PELI2: variants seen among roughly 807,000 people sequenced by gnomAD.
PELI2 encodes E3 ubiquitin-protein ligase pellino homolog 2.
PELI2 carries 23 observed loss-of-function variants against 42.3 expected under a neutral mutation model. That is an observed-to-expected ratio of 0.54 (90% confidence interval 0.39 to 0.77). The LOEUF is 0.77. PELI2 is among the 30% of genes least tolerant of loss of function. The pLI is 0.00. For synonymous variants in PELI2, 245 were observed against 212.2 expected (o/e 1.15, Z -1.34); for missense variants, 463 against 553.2 (o/e 0.84, Z 1.64).
chr14:56,245,199 T>A (rs1422053581), intron 2 of PELI2, among the ~76,000 whole-genome samples: 1 of 152,224 alleles, frequency 6.6e-6, no homozygotes, highest in East Asian at 1.9e-4. Flanking sequence ...TGGAAATATC[T>A]GTACTCCTTA....
intron 2 of PELI2, among the ~76,000 whole-genome samples, chr14:56,222,014 A>C (rs930807341): frequency 2.6e-5 from 4 of 152,132 alleles, no homozygotes; most frequent in Admixed American, 2.6e-4. Flanking sequence ...ATTTTGTGTT[A>C]AGGTAGATTT....
At chr14:56,173,111 A>T (rs976190672) in intron 1 of PELI2, among the ~76,000 whole-genome samples, 5 of 152,042 alleles carry the variant, frequency 3.3e-5, no homozygotes, top group Non-Finnish European at 7.4e-5. Context: ...TCCAGACCTA[A>T]CTTCAGTTGC....
chr14:56,207,734 T>C (rs1038267392), intron 2 of PELI2, among the ~76,000 whole-genome samples: 2 of 152,106 alleles, frequency 1.3e-5, no homozygotes, highest in African/African-American at 2.4e-5. Context: ...CCAAAAGGGA[T>C]AGAAACTGTA....
intron 2 of PELI2, among the ~76,000 whole-genome samples, chr14:56,187,332 G>A (rs147203651): frequency 1.3e-5 from 2 of 152,310 alleles, no homozygotes; most frequent in Non-Finnish European, 2.9e-5. Flanking sequence ...AGACCTACAA[G>A]GGACAAGTTT....
rs571022597 is a variant in PELI2, at chr14:56,268,480, C to G, written c.208-11196C>G. On this transcript the variant is annotated intron_variant, in intron 2 of 5. Transcript: ENST00000267460. ...ACAGGAGACTACGGTTAGATTTTCT[C>G]TCTCTCTTAGTCTTAATATGTACAG... 5.3e-5 allele frequency among the ~76,000 whole-genome samples: 8 copies of G among 152,248 alleles called. No homozygotes were observed. In the East Asian group the frequency reaches 1.5e-3, roughly 29 times the overall value.
Position 56,197,978 on chromosome 14 carries a change from A to ACC in PELI2, c.207+19515_207+19516insCC, listed in dbSNP as rs1886192416. 1.5e-5 allele frequency among the ~76,000 whole-genome samples: 1 copy of ACC among 66,242 alleles called. No homozygotes were observed. Among genetic ancestry groups the ACC allele is most frequent in the Admixed American group, 2.0e-4 (1 of 5,080 alleles). 43.5% of individuals were successfully genotyped at this position (66,242 alleles called of 152,430 possible). On this transcript the variant is annotated intron_variant, in intron 2 of 5. Coordinates refer to ENST00000267460, the MANE Select transcript of PELI2 (RefSeq NM_021255.3). The surrounding 1 kb of genome is among the most constrained non-coding windows in gnomAD (Gnocchi z 4.9). Reference sequence around the variant, plus strand: ...GATCATGACTGGTGAAGACACACACACACACACACACACACACACACACAC... The same window carrying ACC: ...GATCATGACTGGTGAAGACACACACACCCACACACACACACACACACACACAC...
chr14:56,133,855 C>G (rs1883586424), intron 1 of PELI2, among the ~76,000 whole-genome samples: 1 of 152,182 alleles, frequency 6.6e-6, no homozygotes, highest in Admixed American at 6.5e-5. Context: ...TGCCATCTGT[C>G]CCAGTACCTG....
intron 2 of PELI2, among the ~76,000 whole-genome samples, chr14:56,223,592 A>G (rs929965792): frequency 7.2e-5 from 11 of 152,184 alleles, no homozygotes; most frequent in Non-Finnish European, 1.5e-4. Flanking sequence ...GCAGATGTAG[A>G]GAGAGGAAAA....
At chr14:56,139,220 A>T (rs533898426) in intron 1 of PELI2, among the ~76,000 whole-genome samples, 25 of 152,206 alleles carry the variant, frequency 1.6e-4, no homozygotes, top group African/African-American at 5.1e-4. Context: ...AGGAAGACAG[A>T]TGGGCCAAGG....
chr14:56,203,661 A>G (rs780956651), intron 2 of PELI2, among the ~76,000 whole-genome samples: 14 of 152,136 alleles, frequency 9.2e-5, no homozygotes, highest in Non-Finnish European at 1.8e-4. Context: ...TTAACCAAAG[A>G]TTTATTGAGT....
intron 2 of PELI2, among the ~76,000 whole-genome samples, chr14:56,214,119 C>T (rs867559781): frequency 6.6e-6 from 1 of 152,160 alleles, no homozygotes; most frequent in African/African-American, 2.4e-5. Context: ...TCCCAAAGTG[C>T]TGGGATTACA....
chr14:56,185,812 T>G (rs1885750862), intron 2 of PELI2, among the ~76,000 whole-genome samples: 1 of 152,198 alleles, frequency 6.6e-6, no homozygotes, highest in Non-Finnish European at 1.5e-5. Flanking sequence ...TAACATAAAT[T>G]GCTGCTTTGC....
At chr14:56,138,232 G>A (rs1233351395) in intron 1 of PELI2, among the ~76,000 whole-genome samples, 1 of 152,206 alleles carries the variant, frequency 6.6e-6, no homozygotes, top group Admixed American at 6.5e-5. Context: ...CCATGAGGAG[G>A]TAAAAGTAAC....
intron 2 of PELI2, among the ~76,000 whole-genome samples, chr14:56,276,734 A>C (rs61987417): frequency 6.6e-6 from 1 of 152,168 alleles, no homozygotes. Flanking sequence ...GCCCTTGGCT[A>C]GTACTTTTTT....
In PELI2 at chr14:56,296,649, G is replaced by C. The variant is rs764662780; in HGVS notation, c.746G>C (p.Cys249Ser). 3 of 1,613,946 alleles carry C rather than the reference G, an allele frequency of 1.9e-6. No individual in the cohort carries two copies. The African/African-American group carries it at 4.0e-5, about 22-fold the overall frequency. ...CAGGACGGCTCCCTCATTGACCTGTGTGGGGCCACTCTCCTCTGGAGAACA... is the reference window on the plus strand; with the variant it reads ...CAGGACGGCTCCCTCATTGACCTGTCTGGGGCCACTCTCCTCTGGAGAACA... ...VLQDGSLIDLCGATLLWRTAD... is the reference protein window; with the variant it reads ...VLQDGSLIDLSGATLLWRTAD... The change falls in exon 6 of 6, where the codon TGT becomes TCT. Residue 249 changes from cysteine to serine, a missense_variant. Around this residue, in one of 3 missense-constraint regions of PELI2, gnomAD observed 343 missense variants for 378.4 expected, o/e 0.91. Transcript: ENST00000267460.
At chr14:56,281,984 T>G (rs955448659) in intron 3 of PELI2, among the ~76,000 whole-genome samples, 4 of 152,116 alleles carry the variant, frequency 2.6e-5, no homozygotes, top group African/African-American at 4.8e-5. Flanking sequence ...AATTTGAAAA[T>G]AGCTATGAAA....
chr14:56,159,660 A>G (rs1884684821), intron 1 of PELI2, among the ~76,000 whole-genome samples: 1 of 152,174 alleles, frequency 6.6e-6, no homozygotes, highest in African/African-American at 2.4e-5. Flanking sequence ...TTTTACCCAT[A>G]GGGTAAAAAA....
At chr14:56,119,040 T>G (rs1478709465) in intron 1 of PELI2, 1 of 147,258 alleles carries the variant, frequency 6.8e-6, no homozygotes, top group Non-Finnish European at 1.4e-5. Flanking sequence ...GGCCGTATCG[T>G]GGGGGCGGGG....
intron 2 of PELI2, among the ~76,000 whole-genome samples, chr14:56,275,758 C>T (rs528724824): frequency 3.2e-4 from 49 of 152,308 alleles, no homozygotes; most frequent in African/African-American, 1.1e-3. Flanking sequence ...AGACTGATAG[C>T]AGCCTGTGGC....
Sources: gnomAD v4.1 joint callset for allele counts (sites outside exome capture counted in the v4.1 genomes callset) on GRCh38, gnomAD v4.1.1 for gene constraint, gnomAD v4.1.1 regional missense constraint, Gnocchi (gnomAD v3.1) non-coding constraint, MANE v1.5 for transcripts, NCBI Gene and HGNC (gene_info 2026-07-23, HGNC 2026-07-21) for gene names.